Variants in ZNF644 observed in about 807,000 individuals in gnomAD.
ZNF644 encodes the protein zinc finger motif enhancer binding protein 2.
ZNF644 carries 20 observed loss-of-function variants against 108.0 expected under a neutral mutation model. That is an observed-to-expected ratio of 0.19 (90% CI 0.13 to 0.27). The LOEUF (loss-of-function observed/expected upper bound fraction) is 0.27, where lower values mean the gene tolerates loss of function less well. Ranked by LOEUF, ZNF644 falls within the 10% of genes least tolerant of loss-of-function variation. ZNF644 has a pLI of 1.00. For missense variants in ZNF644, 1,338 were observed against 1,548.9 expected (o/e 0.86, Z 2.29); for synonymous variants, 542 against 539.1 (o/e 1.01, Z -0.08).
At chr1:90,956,279 G>A (rs1160504782) in intron 2 of ZNF644, among the ~76,000 whole-genome samples, 4 of 152,218 alleles carry the variant, frequency 2.6e-5, no homozygotes, top group African/African-American at 9.7e-5. Flanking sequence ...ATGTGATACG[G>A]AGATACGAAT....
At chr1:90,979,429 T>G (rs899181331) in intron 2 of ZNF644, among the ~76,000 whole-genome samples, 1 of 152,088 alleles carries the variant, frequency 6.6e-6, no homozygotes, top group Admixed American at 6.6e-5. Flanking sequence ...GCTGAGACTG[T>G]GCCATTGCAT....
At chr1:90,968,249 G>A (rs1230139927) in intron 2 of ZNF644, among the ~76,000 whole-genome samples, 1 of 152,002 alleles carries the variant, frequency 6.6e-6, no homozygotes, top group African/African-American at 2.4e-5. Context: ...AAATTTCCTA[G>A]GTATGTAAAT....
rs189007483 is a variant in ZNF644, at chr1:90,995,318, C to T, written c.-17-12948G>A. Among the ~76,000 whole-genome samples, 30 of 152,016 alleles carry T rather than the reference C, an allele frequency of 2.0e-4. No homozygotes were observed. The East Asian group carries it at 5.0e-3, about 25-fold the overall frequency. ...AAGAAAGAATTGGTGAGTTTGAAGA[C>T]AGGGAAATAAAACTGTCTAATCCAA... On this transcript the variant is annotated intron_variant, in intron 1 of 5. Coordinates refer to ENST00000337393, the MANE Select transcript of ZNF644 (RefSeq NM_201269.3).
intron 1 of ZNF644, among the ~76,000 whole-genome samples, chr1:90,983,608 A>C (rs1344577934): frequency 6.6e-6 from 1 of 152,034 alleles, no homozygotes; most frequent in Non-Finnish European, 1.5e-5. Flanking sequence ...TATAAGAACG[A>C]GACACACACT....
At chr1:90,999,192 A>T (rs1009212335) in intron 1 of ZNF644, among the ~76,000 whole-genome samples, 1 of 152,178 alleles carries the variant, frequency 6.6e-6, no homozygotes, top group Non-Finnish European at 1.5e-5. Context: ...AATACAGAGA[A>T]CACCACAAAG....
At chr1:90,948,285 T>C (rs982876406) in intron 2 of ZNF644, among the ~76,000 whole-genome samples, 3 of 152,234 alleles carry the variant, frequency 2.0e-5, no homozygotes, top group African/African-American at 7.2e-5. Flanking sequence ...ATGTTCAAAG[T>C]GCTGTTGATG....
intron 2 of ZNF644, among the ~76,000 whole-genome samples, chr1:90,949,714 T>C (rs1652886490): frequency 6.6e-6 from 1 of 152,198 alleles, no homozygotes; most frequent in Admixed American, 6.5e-5. Flanking sequence ...GTTTAACATA[T>C]ATGGGAGGAT....
At chr1:90,927,802 T>C (rs960428391) in intron 4 of ZNF644, among the ~76,000 whole-genome samples, 1 of 152,086 alleles carries the variant, frequency 6.6e-6, no homozygotes, top group East Asian at 1.9e-4. Context: ...TCTCTCTCTC[T>C]GCCCTCCCTC....
intron 2 of ZNF644, among the ~76,000 whole-genome samples, chr1:90,975,865 A>G (rs1343829197): frequency 6.6e-6 from 1 of 152,172 alleles, no homozygotes; most frequent in Non-Finnish European, 1.5e-5. Context: ...ATTATTTCTG[A>G]ATCTCTTACC....
chr1:91,002,311 G>A (rs1167364818), intron 1 of ZNF644, among the ~76,000 whole-genome samples: 3 of 152,088 alleles, frequency 2.0e-5, no homozygotes, highest in Non-Finnish European at 2.9e-5. Flanking sequence ...AAACAGCATG[G>A]TACTGGTACC....
At chr1:90,933,558 G>T (rs1220443818) in intron 4 of ZNF644, among the ~76,000 whole-genome samples, 1 of 152,122 alleles carries the variant, frequency 6.6e-6, no homozygotes, top group Admixed American at 6.5e-5. Flanking sequence ...CAGCTACTCG[G>T]GAGGCTGAGG....
rs1012163812 is a variant in ZNF644 at position 90,939,112 on chromosome 1, T to C, written c.2242A>G (p.Arg748Gly). The change falls in exon 3 of 6, where the codon AGG (arginine) becomes GGG (glycine). Residue 748 changes from arginine to glycine, a missense_variant. Around this residue, in one of 6 missense-constraint regions of ZNF644, gnomAD observed 462 missense variants for 472.6 expected, o/e 0.98. Transcript: ENST00000337393. ...GATTCACCTGATTTTTTGATCATCCTATAGTTTTCATATTTGTGTCTATAC... is the reference window on the plus strand; with the variant it reads ...GATTCACCTGATTTTTTGATCATCCCATAGTTTTCATATTTGTGTCTATAC... ...YLYRHKYENYRMIKKSGESYP... is the reference protein window; with the variant it reads ...YLYRHKYENYGMIKKSGESYP... The C allele has an allele frequency of 3.7e-6, 6 of 1,613,788 alleles. No individual in the cohort carries two copies. In the African/African-American group the frequency reaches 6.7e-5, roughly 18 times the overall value.
At chr1:90,998,424 C>T (rs985755029) in intron 1 of ZNF644, among the ~76,000 whole-genome samples, 2 of 152,224 alleles carry the variant, frequency 1.3e-5, no homozygotes, top group Admixed American at 1.3e-4. Flanking sequence ...TGCTGATACC[C>T]AGGCAAACAG....
chr1:90,916,644 T>C lies in ZNF644; in HGVS notation c.*154A>G. The stretch of plus-strand genomic sequence containing the variant: ...TAAAATATATAGACTACTTACTGTT[T>C]TAAGTATTCAATTTGCTCTGATGTC... On this transcript the variant is annotated 3_prime_UTR_variant, in exon 6 of 6. Coordinates refer to ENST00000337393, the MANE Select transcript of ZNF644 (RefSeq NM_201269.3). The C allele has an allele frequency of 1.3e-6, 1 of 770,012 alleles. No individual in the cohort carries two copies. The highest frequency in any genetic ancestry group is 2.1e-6 in the Non-Finnish European group (1 of 465,826). The allele number at this position is 770,012 out of a possible 1,614,324, so 47.7% of individuals were successfully genotyped here. A position where few individuals can be genotyped will look rare whatever the true frequency, so the allele number is the denominator to read the frequency against.
At chr1:90,936,285 C>A (rs1651308483) in intron 4 of ZNF644, among the ~76,000 whole-genome samples, 1 of 152,148 alleles carries the variant, frequency 6.6e-6, no homozygotes. Flanking sequence ...ACTGTGATAG[C>A]CACAAATATG....
At chr1:91,003,963 C>T (rs1659154054) in intron 1 of ZNF644, among the ~76,000 whole-genome samples, 1 of 151,854 alleles carries the variant, frequency 6.6e-6, no homozygotes, top group African/African-American at 2.4e-5. Flanking sequence ...GAACAATTTA[C>T]TAGAAAAGTC....
chr1:91,016,349 A>G (rs1660432439), intron 1 of ZNF644, among the ~76,000 whole-genome samples: 1 of 152,224 alleles, frequency 6.6e-6, no homozygotes, highest in African/African-American at 2.4e-5. Flanking sequence ...CTGTGCAAAC[A>G]TCACAAAGTG....
chr1:90,922,622 C>T (rs552170866), intron 4 of ZNF644, among the ~76,000 whole-genome samples: 1 of 151,988 alleles, frequency 6.6e-6, no homozygotes, highest in Non-Finnish European at 1.5e-5. Flanking sequence ...CAGGGGTACA[C>T]GTGCAGGTTT....
chr1:90,960,548 T>C (rs1317544311), intron 2 of ZNF644, among the ~76,000 whole-genome samples: 1 of 152,154 alleles, frequency 6.6e-6, no homozygotes, highest in East Asian at 1.9e-4. Flanking sequence ...CTAAAAATGG[T>C]TAATCGTATG....
Sources: allele counts gnomAD v4.1 joint callset (sites outside exome capture counted in the v4.1 genomes callset), GRCh38; gene constraint gnomAD v4.1.1; regional missense constraint gnomAD v4.1.1; transcripts MANE v1.5; gene names NCBI Gene and HGNC (gene_info 2026-07-23, HGNC 2026-07-21).